The following ARMC2 variants were observed in gnomAD, a reference collection of about 807,000 sequenced individuals.
The protein encoded by ARMC2 is armadillo repeat containing 2.
ARMC2 carries 67 observed loss-of-function variants against 90.3 expected under a neutral mutation model. The observed-to-expected ratio is 0.74, with a 90% CI of 0.61 to 0.91. The LOEUF (loss-of-function observed/expected upper bound fraction) is 0.91, where lower values mean the gene tolerates loss of function less well. ARMC2 is among the 40% of genes least tolerant of loss of function. The pLI is 0.00. For synonymous variants in ARMC2, 393 were observed against 393.0 expected (o/e 1.00, Z 0.00); for missense variants, 920 against 1,030.9 (o/e 0.89, Z 1.47).
chr6:108,870,103 C>G (rs1307041598), intron 4 of ARMC2, among the ~76,000 whole-genome samples: 2 of 152,122 alleles, frequency 1.3e-5, no homozygotes, highest in Non-Finnish European at 2.9e-5. Flanking sequence ...AACTGGTTCT[C>G]CCTCCATCAA....
At chr6:108,891,149 C>T (rs1562358213) in intron 5 of ARMC2, among the ~76,000 whole-genome samples, 1 of 152,158 alleles carries the variant, frequency 6.6e-6, no homozygotes, top group Non-Finnish European at 1.5e-5. Flanking sequence ...TTCAGCCTAT[C>T]ATTGATGGAC....
At position 108,876,335 on chromosome 6, in the gene ARMC2, A is replaced by G. The variant is rs755146711; in HGVS notation, c.656A>G (p.His219Arg). 1.2e-6 allele frequency: 2 copies of G among 1,606,068 alleles called. No individual in the cohort carries two copies. The highest frequency in any genetic ancestry group is 1.7e-6 in the Non-Finnish European group (2 of 1,174,390). ...AAAGGAACAACATCTTTACCATCTC[A>G]TCTCAAGAATGGAGGGTCAGTATTC... ...MFKGTTSLPS[H>R]LKNGGDQGKR... Residue 219 changes from histidine to arginine, a missense_variant, in exon 5 of 18, where the codon CAT becomes CGT. By Grantham distance (29) the His-to-Arg change is conservative. Transcript: ENST00000392644.
chr6:109,014,008 T>A, the ARMC2 span, among the ~76,000 whole-genome samples: 3 of 149,388 alleles, frequency 2.0e-5, no homozygotes, highest in Admixed American at 2.0e-4. Context: ...GCTCTATACT[T>A]TTTTTTTTTT....
the ARMC2 span, among the ~76,000 whole-genome samples, chr6:109,034,100 A>T: frequency 2.0e-5 from 3 of 152,228 alleles, no homozygotes; most frequent in Non-Finnish European, 4.4e-5. Flanking sequence ...AGTAAATATT[A>T]GTTGTGGGAC....
At chr6:109,037,518 A>G in the ARMC2 span, among the ~76,000 whole-genome samples, 1 of 152,182 alleles carries the variant, frequency 6.6e-6, no homozygotes, top group Non-Finnish European at 1.5e-5. Context: ...CATCTAGTCC[A>G]ATGTGATGTA....
At chr6:109,019,815 TTA>T in the ARMC2 span, among the ~76,000 whole-genome samples, 1 of 152,228 alleles carries the variant, frequency 6.6e-6, no homozygotes. Flanking sequence ...AGAACTTGCT[TTA>T]TGTCAATAAA....
chr6:108,849,340 G>C (rs1773768312), intron 1 of ARMC2, among the ~76,000 whole-genome samples: 1 of 152,116 alleles, frequency 6.6e-6, no homozygotes, highest in East Asian at 1.9e-4. Flanking sequence ...TGGCATAGCT[G>C]ATATTCAATA....
At chr6:108,889,860 T>TAA (rs1306398022) in intron 5 of ARMC2, among the ~76,000 whole-genome samples, 1 of 151,796 alleles carries the variant, frequency 6.6e-6, no homozygotes, top group Non-Finnish European at 1.5e-5. Flanking sequence ...TTCTAGTACT[T>TAA]TATTAACAAC....
chr6:108,902,419 C>T (rs149273186), intron 7 of ARMC2, among the ~76,000 whole-genome samples: 1 of 152,262 alleles, frequency 6.6e-6, no homozygotes, highest in East Asian at 1.9e-4. Flanking sequence ...CTTTGAGGAC[C>T]ACCCACTGCC....
At chr6:108,887,254 G>C (rs1177920580) in intron 5 of ARMC2, among the ~76,000 whole-genome samples, 1 of 152,024 alleles carries the variant, frequency 6.6e-6, no homozygotes, top group African/African-American at 2.4e-5. Flanking sequence ...TATTTCTTTG[G>C]GGTGCATGTG....
chr6:109,026,501 T>G, the ARMC2 span, among the ~76,000 whole-genome samples: 2 of 152,118 alleles, frequency 1.3e-5, no homozygotes, highest in African/African-American at 4.8e-5. Flanking sequence ...AGGTGTAGGT[T>G]TAACTTTTTT....
intron 2 of ARMC2, chr6:108,856,413 T>C (rs920942647): frequency 1.5e-5 from 3 of 196,564 alleles, no homozygotes; most frequent in Non-Finnish European, 3.3e-5. Context: ...CCCATAGTCC[T>C]ACCACACAAC....
the ARMC2 span, among the ~76,000 whole-genome samples, chr6:109,033,051 C>A: frequency 1.3e-5 from 2 of 151,980 alleles, no homozygotes; most frequent in African/African-American, 4.8e-5. Flanking sequence ...GTTAAAGGTA[C>A]AGACAATGCT....
At chr6:109,044,881 A>C in the ARMC2 span, among the ~76,000 whole-genome samples, 1 of 152,016 alleles carries the variant, frequency 6.6e-6, no homozygotes, top group Non-Finnish European at 1.5e-5. Flanking sequence ...AAATTAGCTG[A>C]GCGTGGTGGC....
At chr6:108,960,590 A>G (rs565707379) in intron 13 of ARMC2, among the ~76,000 whole-genome samples, 6 of 152,366 alleles carry the variant, frequency 3.9e-5, no homozygotes, top group African/African-American at 1.2e-4. Flanking sequence ...AAAGACAAAC[A>G]TTAAACACAT....
At chr6:108,984,048 A>G in the ARMC2 span, among the ~76,000 whole-genome samples, 2 of 151,952 alleles carry the variant, frequency 1.3e-5, no homozygotes, top group African/African-American at 4.8e-5. Context: ...TAGGAGCTTG[A>G]CCCTATTGTG....
chr6:108,946,228 A>G (rs1776800453), intron 12 of ARMC2, among the ~76,000 whole-genome samples: 1 of 152,230 alleles, frequency 6.6e-6, no homozygotes, highest in Admixed American at 6.5e-5. Context: ...GTGAAATTCT[A>G]GCATTGGCCT....
chr6:109,013,703 A>C, the ARMC2 span, among the ~76,000 whole-genome samples: 1 of 152,266 alleles, frequency 6.6e-6, no homozygotes, highest in Admixed American at 6.5e-5. Context: ...TAATGGTTTT[A>C]GCCATTAAAC....
rs529146223 is a variant in ARMC2, at chr6:108,857,164, T to G, written c.219-1035T>G. On this transcript the variant is annotated intron_variant, in intron 2 of 17. Coordinates refer to ENST00000392644, the MANE Select transcript of ARMC2 (RefSeq NM_032131.6). Reference sequence around the variant, plus strand: ...ATCTATAGATCAAGTTGGGAAGAACTGACATATTGACAATATTGAGTCTTC... The same window carrying G: ...ATCTATAGATCAAGTTGGGAAGAACGGACATATTGACAATATTGAGTCTTC... 7.9e-5 allele frequency among the ~76,000 whole-genome samples: 12 copies of G among 152,336 alleles called. No individual in the cohort carries two copies. The South Asian group carries it at 2.3e-3, about 29-fold the overall frequency.
Sources: gnomAD v4.1 joint callset for allele counts (sites outside exome capture counted in the v4.1 genomes callset) on GRCh38, gnomAD v4.1.1 for gene constraint, MANE v1.5 for transcripts, NCBI Gene and HGNC (gene_info 2026-07-23, HGNC 2026-07-21) for gene names.